The following RUNX2 variants were observed in gnomAD, a reference collection of about 807,000 sequenced individuals.
RUNX2 encodes the protein RUNX family transcription factor 2, also known as runt-related transcription factor 2.
RUNX2 carries 10 observed loss-of-function variants against 51.7 expected under a neutral mutation model. The ratio of observed to expected loss-of-function variants is 0.19; its 90% CI spans 0.12 to 0.33. The LOEUF is 0.33. Ranked by LOEUF, RUNX2 falls within the 10% of genes least tolerant of loss-of-function variation. The pLI is 1.00. For synonymous variants in RUNX2, 276 were observed against 273.6 expected, an observed-to-expected ratio of 1.01 and a Z score of -0.09; for missense variants, 562 against 691.3, an observed-to-expected ratio of 0.81 and a Z score of 2.10.
At chr6:45,394,959 TGG>T (rs1329415564) in intron 2 of RUNX2, among the ~76,000 whole-genome samples, 1 of 151,902 alleles carries the variant, frequency 6.6e-6, no homozygotes, top group Non-Finnish European at 1.5e-5. Context: ...TGGGTGTGTG[TGG>T]GGGGGAGGCA....
At position 45,337,730 on chromosome 6, in the gene RUNX2, G is replaced by T. The variant is rs114709573; in HGVS notation, c.58+8946G>T. Among the ~76,000 whole-genome samples, 955 of 151,836 alleles carry T rather than the reference G, an allele frequency of 6.3e-3. 17 individuals carry two copies. Among genetic ancestry groups the T allele is most frequent in the African/African-American group, 0.022 (904 of 41,490 alleles). On this transcript the variant is annotated intron_variant, in intron 2 of 8. Transcript: ENST00000647337. The stretch of plus-strand genomic sequence containing the variant: ...ACTTCTAGAAGCCATGAAAAAGAAA[G>T]CTAAAAACAAATCTAAGACGCCCCT...
At chr6:45,528,342 C>A (rs1297031628) in intron 7 of RUNX2, among the ~76,000 whole-genome samples, 1 of 152,182 alleles carries the variant, frequency 6.6e-6, no homozygotes, top group Non-Finnish European at 1.5e-5. Flanking sequence ...CACTTTAGGT[C>A]AGGCGCGGTG....
At chr6:45,504,142 G>T (rs915676471) in intron 6 of RUNX2, among the ~76,000 whole-genome samples, 1 of 152,112 alleles carries the variant, frequency 6.6e-6, no homozygotes, top group African/African-American at 2.4e-5. Context: ...GACAAGGGGG[G>T]TCCGCACCTT....
At chr6:45,424,582 G>T (rs767971456) in intron 3 of RUNX2, among the ~76,000 whole-genome samples, 2 of 152,018 alleles carry the variant, frequency 1.3e-5, no homozygotes, top group African/African-American at 4.8e-5. Context: ...CAGTTTCTCC[G>T]CTGGGGACCC....
chr6:45,535,467 G>A (rs1802001746), intron 7 of RUNX2, among the ~76,000 whole-genome samples: 1 of 152,070 alleles, frequency 6.6e-6, no homozygotes, highest in Admixed American at 6.6e-5. Context: ...AGCTGGGCGT[G>A]GTGGCGGGTG....
chr6:45,467,313 C>G (rs968548421), intron 5 of RUNX2, among the ~76,000 whole-genome samples: 2 of 151,978 alleles, frequency 1.3e-5, no homozygotes, highest in Non-Finnish European at 2.9e-5. Flanking sequence ...ACGAAGTCTC[C>G]CTCTGTCGCT....
chr6:45,478,585 A>G (rs1407571640), intron 5 of RUNX2, among the ~76,000 whole-genome samples: 1 of 152,138 alleles, frequency 6.6e-6, no homozygotes, highest in Non-Finnish European at 1.5e-5. Context: ...CTTTTTAATC[A>G]GACACTGCCT....
chr6:45,433,688 T>A (rs559787289), intron 4 of RUNX2, among the ~76,000 whole-genome samples: 1 of 152,304 alleles, frequency 6.6e-6, no homozygotes, highest in African/African-American at 2.4e-5. Flanking sequence ...CTCAACATAT[T>A]TATTTAAGAA....
chr6:45,340,562 G>A (rs949911962), intron 2 of RUNX2, among the ~76,000 whole-genome samples: 2 of 151,832 alleles, frequency 1.3e-5, no homozygotes, highest in Non-Finnish European at 2.9e-5. Flanking sequence ...GGGCTCAAGC[G>A]ATCCTCCCAC....
At chr6:45,544,073 T>C (rs1163412871) in intron 7 of RUNX2, among the ~76,000 whole-genome samples, 3 of 151,894 alleles carry the variant, frequency 2.0e-5, no homozygotes, top group Non-Finnish European at 2.9e-5. Context: ...AAAATTCTAT[T>C]GTTTGTAAGT....
chr6:45,421,153 A>G (rs1437751247), intron 2 of RUNX2: 1 of 152,198 alleles, frequency 6.6e-6, no homozygotes, highest in East Asian at 1.9e-4. Context: ...ACTTAGTCTT[A>G]GATGTAGAAT....
intron 5 of RUNX2, among the ~76,000 whole-genome samples, chr6:45,466,732 A>G (rs1052960320): frequency 1.3e-5 from 2 of 152,298 alleles, no homozygotes; most frequent in East Asian, 1.9e-4. Context: ...TTTCCATTAA[A>G]CAGATTTTTG....
At chr6:45,526,115 T>A (rs1168941355) in intron 7 of RUNX2, among the ~76,000 whole-genome samples, 2 of 152,240 alleles carry the variant, frequency 1.3e-5, no homozygotes, top group Non-Finnish European at 1.5e-5. Flanking sequence ...TGTTTTGTAT[T>A]TCAGTTAAGA....
At chr6:45,362,816 G>A (rs1249270613) in intron 2 of RUNX2, among the ~76,000 whole-genome samples, 2 of 150,932 alleles carry the variant, frequency 1.3e-5, no homozygotes, top group Non-Finnish European at 2.9e-5. Flanking sequence ...ATAAGAAAGT[G>A]CTGAATTTAG....
chr6:45,376,776 A>G (rs1422017830), intron 2 of RUNX2, among the ~76,000 whole-genome samples: 3 of 152,236 alleles, frequency 2.0e-5, no homozygotes, highest in African/African-American at 7.2e-5. Context: ...AAATCTTTGC[A>G]GGGCGAATTT....
At chr6:45,347,946 A>G (rs1172693691) in intron 2 of RUNX2, among the ~76,000 whole-genome samples, 1 of 152,142 alleles carries the variant, frequency 6.6e-6, no homozygotes, top group Non-Finnish European at 1.5e-5. Flanking sequence ...GGTTCTAGAG[A>G]TTCCAAAATC....
At chr6:45,391,195 C>G (rs1423002252) in intron 2 of RUNX2, among the ~76,000 whole-genome samples, 2 of 152,156 alleles carry the variant, frequency 1.3e-5, no homozygotes, top group Non-Finnish European at 2.9e-5. Context: ...AAAGTTGGAG[C>G]TGGGGCCTGG....
rs549698999 is a variant in RUNX2, at chr6:45,506,627, C to T, written c.860-5619C>T. ...GAATGAATTATAGTTTTTAAAAAAA[C>T]ATAAAAATATTTAAAGTTCAACAAC... On this transcript the variant is annotated intron_variant, in intron 6 of 8. Coordinates refer to ENST00000647337, the MANE Select transcript of RUNX2 (RefSeq NM_001024630.4). Among the ~76,000 whole-genome samples the T allele has an allele frequency of 1.1e-3, 160 of 152,182 alleles. 1 individual carries two copies. The highest frequency in any genetic ancestry group is 3.8e-3 in the African/African-American group (158 of 41,526).
chr6:45,391,007 G>T (rs1207785779), intron 2 of RUNX2, among the ~76,000 whole-genome samples: 1 of 152,070 alleles, frequency 6.6e-6, no homozygotes, highest in Admixed American at 6.5e-5. Flanking sequence ...TGAATGAAGC[G>T]TCTCTCACAA....
Sources: allele counts gnomAD v4.1 joint callset (sites outside exome capture counted in the v4.1 genomes callset), GRCh38; gene constraint gnomAD v4.1.1; transcripts MANE v1.5; gene names NCBI Gene and HGNC (gene_info 2026-07-23, HGNC 2026-07-21).